Variants in TIAM1 observed in about 807,000 individuals in gnomAD.
The protein encoded by TIAM1 is rho guanine nucleotide exchange factor TIAM1.
A neutral mutation model predicts 163.5 loss-of-function variants in TIAM1; 65 were observed. That is an observed-to-expected ratio of 0.40 (90% CI 0.33 to 0.49). TIAM1 has a LOEUF of 0.49. Among genes scored for constraint, TIAM1 ranks in the 20% least tolerant of loss-of-function variants. The probability of loss-of-function intolerance (pLI) is 0.77; values close to 1 mark genes in which losing one functional copy is unlikely to be tolerated. For synonymous variants in TIAM1, 833 were observed against 810.1 expected (o/e 1.03, Z -0.48); for missense variants, 1,789 against 2,044.7 (o/e 0.87, Z 2.41).
intron 9 of TIAM1, among the ~76,000 whole-genome samples, chr21:31,215,355 C>A (rs1392640791): frequency 6.6e-6 from 1 of 151,934 alleles, no homozygotes; most frequent in African/African-American, 2.4e-5. Flanking sequence ...CTTTGGGAGG[C>A]CAAAGCAGGC....
intron 1 of TIAM1, among the ~76,000 whole-genome samples, chr21:31,542,585 T>C (rs893285768): frequency 2.6e-5 from 4 of 152,232 alleles, no homozygotes; most frequent in African/African-American, 9.6e-5. Flanking sequence ...CATGATTTTC[T>C]ACACATAGGC....
chr21:31,381,793 T>C (rs1328750041), intron 2 of TIAM1, among the ~76,000 whole-genome samples: 2 of 151,940 alleles, frequency 1.3e-5, no homozygotes, highest in South Asian at 2.1e-4. Context: ...GATCACACCA[T>C]TGCACTCCAG....
chr21:31,190,756 GGA>G (rs913251798), intron 13 of TIAM1, among the ~76,000 whole-genome samples: 2 of 152,156 alleles, frequency 1.3e-5, no homozygotes, highest in Admixed American at 1.3e-4. Flanking sequence ...GGGCTGAGAT[GGA>G]GAGAGAGGCA....
At chr21:31,242,860 C>CAAAAAAAAAAAAAA (rs11417948) in intron 6 of TIAM1, among the ~76,000 whole-genome samples, 1 of 95,044 alleles carries the variant, frequency 1.1e-5, no homozygotes, top group Non-Finnish European at 2.0e-5. Context: ...GACTCTGTCT[C>CAAAAAAAAAAAAAA]AAAAAAAAAA....
intron 2 of TIAM1, among the ~76,000 whole-genome samples, chr21:31,399,984 A>G (rs749316184): frequency 1.3e-5 from 2 of 152,130 alleles, no homozygotes; most frequent in Non-Finnish European, 2.9e-5. Context: ...ACTCACTCAC[A>G]CATATAAGTC....
chr21:31,127,276 A>G, intron 25 of TIAM1, 124 bp from the exon 26 acceptor site: 4 of 811,420 alleles, frequency 4.9e-6, no homozygotes, highest in South Asian at 3.4e-5. Flanking sequence ...AAGATCAAAG[A>G]TATTTTCCTA....
intron 1 of TIAM1, among the ~76,000 whole-genome samples, chr21:31,480,433 G>A (rs2046074519): frequency 6.6e-6 from 1 of 152,180 alleles, no homozygotes; most frequent in Non-Finnish European, 1.5e-5. Flanking sequence ...ATGCACCCTT[G>A]GGCTCTATTG....
intron 2 of TIAM1, among the ~76,000 whole-genome samples, chr21:31,410,111 G>T (rs2077321353): frequency 6.6e-6 from 1 of 151,990 alleles, no homozygotes; most frequent in Non-Finnish European, 1.5e-5. Flanking sequence ...GTGAGGTTGT[G>T]TGTGTGACAG....
intron 2 of TIAM1, among the ~76,000 whole-genome samples, chr21:31,330,024 T>C (rs916179105): frequency 2.0e-5 from 3 of 152,192 alleles, no homozygotes; most frequent in Non-Finnish European, 4.4e-5. Context: ...TCAATAAACA[T>C]ATATTGACAC....
intron 2 of TIAM1, among the ~76,000 whole-genome samples, chr21:31,313,021 G>A (rs1363396649): frequency 6.6e-6 from 1 of 152,164 alleles, no homozygotes; most frequent in African/African-American, 2.4e-5. Context: ...AATTACGGCA[G>A]CTACTCACCT....
In TIAM1 at chr21:31,202,585, A is replaced by C. The variant is rs376820535; in HGVS notation, c.2493+323T>G. On this transcript the variant is annotated intron_variant, in intron 12 of 27. Coordinates refer to ENST00000541036, the MANE Select transcript of TIAM1 (RefSeq NM_001353694.2). ...ATCCTGTCTCTAAACAACAAAATAA[A>C]AATACTAAAATACAATAAAATAAAA... Among the ~76,000 whole-genome samples, 15 of 152,232 alleles carry C rather than the reference A, an allele frequency of 9.9e-5. No individual in the cohort carries two copies. In the South Asian group the frequency reaches 3.1e-3, roughly 32 times the overall value.
chr21:31,444,390 AT>A (rs2044541675), intron 2 of TIAM1, among the ~76,000 whole-genome samples: 1 of 151,580 alleles, frequency 6.6e-6, no homozygotes, highest in Non-Finnish European at 1.5e-5. Flanking sequence ...TCCTTATTGC[AT>A]TCTATTTCAA....
At chr21:31,461,053 T>C (rs1424059518) in intron 2 of TIAM1, among the ~76,000 whole-genome samples, 1 of 152,180 alleles carries the variant, frequency 6.6e-6, no homozygotes, top group Non-Finnish European at 1.5e-5. Flanking sequence ...TGAAAGCCCT[T>C]AGCATGAAAT....
Position 31,339,259 on chromosome 21 carries a change from G to C in TIAM1, c.-205C>G, listed in dbSNP as rs1426230607. 2.5e-6 allele frequency: 1 copy of C among 398,320 alleles called. No homozygotes were observed. The highest frequency in any genetic ancestry group is 2.1e-5 in the African/African-American group (1 of 48,614). The allele number at this position is 398,320 out of a possible 1,614,324, so 24.7% of individuals were successfully genotyped here. ...CACACTTACCCCATTGGAAACAGAA[G>C]AGGCTTTGTCAAGATCTCCAAATGG... On this transcript the variant is annotated 5_prime_UTR_variant, in exon 2 of 28. Coordinates refer to ENST00000541036, the MANE Select transcript of TIAM1 (RefSeq NM_001353694.2).
intron 1 of TIAM1, among the ~76,000 whole-genome samples, chr21:31,478,087 C>T (rs1007989587): frequency 6.6e-6 from 1 of 152,174 alleles, no homozygotes; most frequent in Non-Finnish European, 1.5e-5. Context: ...AGGGAGAACT[C>T]GCAGTGAAGT....
intron 1 of TIAM1, among the ~76,000 whole-genome samples, chr21:31,541,639 T>C (rs2048326524): frequency 6.6e-6 from 1 of 152,168 alleles, no homozygotes; most frequent in African/African-American, 2.4e-5. Flanking sequence ...TGCAGGCTGA[T>C]GGTGTAACAC....
intron 23 of TIAM1, among the ~76,000 whole-genome samples, chr21:31,133,844 C>T (rs547046676): frequency 6.6e-6 from 1 of 152,234 alleles, no homozygotes; most frequent in Admixed American, 6.5e-5. Flanking sequence ...CCGAGGCGGG[C>T]AGATTACAAG....
intron 2 of TIAM1, among the ~76,000 whole-genome samples, chr21:31,388,584 G>C (rs924844519): frequency 6.6e-6 from 1 of 152,146 alleles, no homozygotes; most frequent in Non-Finnish European, 1.5e-5. Context: ...TTTGAGCCTA[G>C]GACTTGGAGG....
intron 25 of TIAM1, among the ~76,000 whole-genome samples, chr21:31,128,378 AG>A (rs2082287954): frequency 6.6e-6 from 1 of 152,210 alleles, no homozygotes; most frequent in African/African-American, 2.4e-5. Context: ...TGAAAAATAG[AG>A]AGTGAGAATG....
Sources: allele counts gnomAD v4.1 joint callset (sites outside exome capture counted in the v4.1 genomes callset), GRCh38; gene constraint gnomAD v4.1.1; transcripts MANE v1.5; gene names NCBI Gene and HGNC (gene_info 2026-07-23, HGNC 2026-07-21).